The following PPP6R3 variants were observed in gnomAD, a reference collection of about 807,000 sequenced individuals.
The protein encoded by PPP6R3 is protein phosphatase 6 regulatory subunit 3.
In PPP6R3, 38 loss-of-function variants were observed where a neutral mutation model predicts 110.7. That is an observed-to-expected ratio of 0.34 (90% CI 0.26 to 0.45). The LOEUF is 0.45. PPP6R3 is among the 20% of genes least tolerant of loss of function. The pLI, the probability that PPP6R3 is intolerant of heterozygous loss-of-function variation, is 1.00. For synonymous variants in PPP6R3, 369 were observed against 373.5 expected (o/e 0.99, Z 0.14); for missense variants, 870 against 1,062.4 (o/e 0.82, Z 2.52).
chr11:68,564,877 G>T (rs540403681), intron 9 of PPP6R3, among the ~76,000 whole-genome samples: 19 of 152,242 alleles, frequency 1.2e-4, no homozygotes, highest in African/African-American at 4.3e-4. Flanking sequence ...TGATTTGGGG[G>T]TTTTTCAGTA....
At chr11:68,535,764 C>T (rs1310915622) in intron 2 of PPP6R3, among the ~76,000 whole-genome samples, 1 of 145,842 alleles carries the variant, frequency 6.9e-6, no homozygotes, top group Non-Finnish European at 1.5e-5. Context: ...GGAGTTTAGA[C>T]CAGCTTGGCC....
chr11:68,484,690 T>G (rs2098935448), intron 1 of PPP6R3, among the ~76,000 whole-genome samples: 1 of 151,912 alleles, frequency 6.6e-6, no homozygotes, highest in Non-Finnish European at 1.5e-5. Flanking sequence ...TGAGTTCAAG[T>G]GATTTTCCTG....
At chr11:68,523,539 C>T (rs1209078599) in intron 2 of PPP6R3, among the ~76,000 whole-genome samples, 1 of 151,976 alleles carries the variant, frequency 6.6e-6, no homozygotes, top group Non-Finnish European at 1.5e-5. Flanking sequence ...CCCCACCCAC[C>T]ACTAGAAGGT....
chr11:68,510,843 G>A (rs1449379986), intron 1 of PPP6R3, among the ~76,000 whole-genome samples: 1 of 152,072 alleles, frequency 6.6e-6, no homozygotes, highest in African/African-American at 2.4e-5. Flanking sequence ...TGTATTTGAA[G>A]GGTTCATACT....
rs561866484 is a variant in PPP6R3, at chr11:68,550,954, T to A, written c.553-167T>A. The A allele has an allele frequency of 2.9e-4, 162 of 560,074 alleles. 1 individual carries two copies. The highest frequency in any genetic ancestry group is 4.4e-4 in the Non-Finnish European group (140 of 320,570). The allele number at this position is 560,074 out of a possible 1,614,324, so 34.7% of individuals were successfully genotyped here. A position where few individuals can be genotyped will look rare whatever the true frequency, so the allele number is the denominator to read the frequency against. On this transcript the variant is annotated intron_variant, in intron 5 of 23. Coordinates refer to ENST00000393800, the MANE Select transcript of PPP6R3 (RefSeq NM_001164161.2). Reference sequence around the variant, plus strand: ...GCCATTGTTAAAACAATATATTCACTGGCATTTTCCTTGGGGGACTTTTAA... The same window carrying A: ...GCCATTGTTAAAACAATATATTCACAGGCATTTTCCTTGGGGGACTTTTAA...
chr11:68,498,084 T>C (rs914164689), intron 1 of PPP6R3, among the ~76,000 whole-genome samples: 1 of 152,224 alleles, frequency 6.6e-6, no homozygotes, highest in African/African-American at 2.4e-5. Context: ...CATTATTATA[T>C]ATGACTTTGT....
chr11:68,468,945 A>T (rs970476463), intron 1 of PPP6R3, among the ~76,000 whole-genome samples: 1 of 152,228 alleles, frequency 6.6e-6, no homozygotes, highest in Non-Finnish European at 1.5e-5. Context: ...TTTTTTCAAC[A>T]TAGTGTGGAT....
At chr11:68,553,600 C>T (rs952360267) in intron 6 of PPP6R3, among the ~76,000 whole-genome samples, 1 of 152,044 alleles carries the variant, frequency 6.6e-6, no homozygotes, top group African/African-American at 2.4e-5. Context: ...GCTGTACTTT[C>T]ACTTTTTTTT....
intron 2 of PPP6R3, among the ~76,000 whole-genome samples, chr11:68,520,403 T>C (rs1270161456): frequency 1.3e-5 from 2 of 152,200 alleles, no homozygotes; most frequent in East Asian, 3.8e-4. Context: ...CAACTGTCTT[T>C]TTCTTTTTGT....
At chr11:68,599,673 C>T (rs527304349) in intron 19 of PPP6R3, among the ~76,000 whole-genome samples, 1 of 152,278 alleles carries the variant, frequency 6.6e-6, no homozygotes, top group African/African-American at 2.4e-5. Context: ...GAAACATTGC[C>T]AAGATAGTAA....
chr11:68,596,974 G>A (rs2099615604), intron 19 of PPP6R3, among the ~76,000 whole-genome samples: 1 of 152,218 alleles, frequency 6.6e-6, no homozygotes, highest in African/African-American at 2.4e-5. Context: ...ACATGTTGCA[G>A]ATAAGGAAAC....
At chr11:68,536,641 C>G (rs1426796438) in intron 2 of PPP6R3, among the ~76,000 whole-genome samples, 1 of 152,166 alleles carries the variant, frequency 6.6e-6, no homozygotes, top group Non-Finnish European at 1.5e-5. Flanking sequence ...TTTACCTAGG[C>G]TCTTTTAAAT....
chr11:68,470,424 G>C (rs561128468), intron 1 of PPP6R3, among the ~76,000 whole-genome samples: 24 of 152,252 alleles, frequency 1.6e-4, no homozygotes, highest in African/African-American at 5.5e-4. Context: ...AGTGTGGCTG[G>C]AGTGAGGAGC....
At chr11:68,603,663 GT>G in intron 22 of PPP6R3, 171 bp downstream of exon 22, 1 of 820,934 alleles carries the variant, frequency 1.2e-6, no homozygotes, top group Non-Finnish European at 1.8e-6. Context: ...GAGATGGAGA[GT>G]TTAGGCCCCT....
intron 2 of PPP6R3, among the ~76,000 whole-genome samples, chr11:68,529,371 A>G (rs1013079413): frequency 2.6e-5 from 4 of 152,120 alleles, no homozygotes; most frequent in Non-Finnish European, 5.9e-5. Context: ...GGCGACTGCC[A>G]TTGTGCCCGG....
At chr11:68,564,895 T>C (rs2099453910) in intron 9 of PPP6R3, among the ~76,000 whole-genome samples, 1 of 152,134 alleles carries the variant, frequency 6.6e-6, no homozygotes, top group Non-Finnish European at 1.5e-5. Flanking sequence ...GTACAGAGCC[T>C]CCCATGTGCT....
chr11:68,590,498 G>A (rs1367249792), intron 16 of PPP6R3, among the ~76,000 whole-genome samples, 162 bp from the exon 17 acceptor site: 1 of 152,152 alleles, frequency 6.6e-6, no homozygotes, highest in Non-Finnish European at 1.5e-5. Flanking sequence ...TACCAAGGGA[G>A]CTGGCATCAT....
chr11:68,532,484 T>G (rs1388923455), intron 2 of PPP6R3, among the ~76,000 whole-genome samples: 4 of 152,328 alleles, frequency 2.6e-5, no homozygotes, highest in Non-Finnish European at 4.4e-5. Flanking sequence ...GAAGAAAGAT[T>G]AGAGGGTAGT....
rs2099408972 is a variant in PPP6R3 at position 68,558,891 on chromosome 11, GTATT to G, written c.845+215_845+218del. Among the ~76,000 whole-genome samples the G allele has an allele frequency of 2.6e-5, 4 of 152,322 alleles. No homozygotes were observed. In the South Asian group the frequency reaches 8.3e-4, roughly 32 times the overall value. The stretch of plus-strand genomic sequence containing the variant: ...GTTTTGGTGACACTATTTATTGGCA[GTATT>G]TAGACTCTAGTCATATATTTTTTTG... On this transcript the variant is annotated intron_variant, in intron 8 of 23. Coordinates refer to ENST00000393800, the MANE Select transcript of PPP6R3 (RefSeq NM_001164161.2).
Sources: allele counts gnomAD v4.1 joint callset (sites outside exome capture counted in the v4.1 genomes callset), GRCh38; gene constraint gnomAD v4.1.1; transcripts MANE v1.5; gene names NCBI Gene and HGNC (gene_info 2026-07-23, HGNC 2026-07-21).